Variants in ABCA13 observed in about 807,000 individuals in gnomAD.
The protein encoded by ABCA13 is ATP-binding cassette sub-family A member 13.
ABCA13 carries 476 observed loss-of-function variants against 478.7 expected under a neutral mutation model. The ratio of observed to expected loss-of-function variants is 0.99; its 90% CI spans 0.92 to 1.07. ABCA13 has a LOEUF of 1.07. ABCA13 is among the 50% of genes least tolerant of loss of function. ABCA13 has a pLI of 0.00. For synonymous variants in ABCA13, 2,252 were observed against 2,158.9 expected (o/e 1.04, Z -1.20); for missense variants, 6,060 against 5,910.6 (o/e 1.03, Z -0.83).
rs78680236 is a variant in ABCA13, at chr7:48,412,336, C to CTT, written c.12229-10_12229-9dup. On this transcript the variant is annotated splice_polypyrimidine_tract_variant and intron_variant, in intron 40 of 61. Coordinates refer to ENST00000435803, the MANE Select transcript of ABCA13 (RefSeq NM_152701.5). ...ACATTCCTTACTGGCTTCTTTTTTC[C>CTT]TTTTTTTTATGGATAGCCTTCTGTT... 72 of 1,574,882 alleles carry CTT rather than the reference C, an allele frequency of 4.6e-5. No homozygotes were observed. Among genetic ancestry groups the CTT allele is most frequent in the Middle Eastern group, 1.7e-4 (1 of 5,926 alleles).
chr7:48,190,275 A>G (rs894010062), intron 1 of ABCA13, among the ~76,000 whole-genome samples: 3 of 152,194 alleles, frequency 2.0e-5, no homozygotes, highest in Non-Finnish European at 4.4e-5. Context: ...TATGTAAAAA[A>G]AACCTCATGA....
chr7:48,233,276 G>A (rs1051356626), intron 7 of ABCA13, among the ~76,000 whole-genome samples: 1 of 152,136 alleles, frequency 6.6e-6, no homozygotes, highest in African/African-American at 2.4e-5. Flanking sequence ...CAGTCAATGG[G>A]TGTTGAATCA....
At position 48,279,688 on chromosome 7, in the gene ABCA13, T is replaced by A; in HGVS notation, c.8494T>A (p.Phe2832Ile). The part of the protein sequence containing the change: ...RIALWRKGLL[F>I]NNSEWITSTR... Reference sequence around the variant, plus strand: ...AGCTCTCTGGAGGAAAGGACTTCTGTTTAACAACTCTGAATGGATAACTTC... The same window carrying A: ...AGCTCTCTGGAGGAAAGGACTTCTGATTAACAACTCTGAATGGATAACTTC... Residue 2832 changes from phenylalanine (F) to isoleucine (I), a missense_variant, in exon 18 of 62, where the codon TTT (phenylalanine) becomes ATT (isoleucine). By Grantham distance (21) the Phe-to-Ile change is conservative. Transcript: ENST00000435803. The A allele has an allele frequency of 6.2e-7, 1 of 1,613,554 alleles. No homozygotes were observed. Among genetic ancestry groups the A allele is most frequent in the Non-Finnish European group, 8.5e-7 (1 of 1,179,750 alleles).
intron 42 of ABCA13, among the ~76,000 whole-genome samples, chr7:48,450,060 C>A (rs545849631): frequency 1.3e-5 from 2 of 152,294 alleles, no homozygotes; most frequent in African/African-American, 4.8e-5. Context: ...AAGAACTTCT[C>A]GAAACCCTTC....
chr7:48,634,275 G>T (rs1302101848), intron 59 of ABCA13, among the ~76,000 whole-genome samples: 1 of 152,170 alleles, frequency 6.6e-6, no homozygotes. Flanking sequence ...GCGTGTGTGT[G>T]ATGTCTTTGG....
At chr7:48,386,666 A>G (rs903237574) in intron 35 of ABCA13, among the ~76,000 whole-genome samples, 11 of 152,224 alleles carry the variant, frequency 7.2e-5, no homozygotes, top group Admixed American at 2.6e-4. Context: ...TGGTATGGGG[A>G]TAACTGGCTA....
chr7:48,261,387 A>G (rs572634187), intron 15 of ABCA13, among the ~76,000 whole-genome samples: 62 of 151,982 alleles, frequency 4.1e-4, no homozygotes, highest in African/African-American at 1.4e-3. Flanking sequence ...TTGTATGAAG[A>G]CTTAAGTTAG....
chr7:48,298,266 G>A, intron 22 of ABCA13, 100 bp from the exon 23 acceptor site: 2 of 1,132,784 alleles, frequency 1.8e-6, no homozygotes, highest in Non-Finnish European at 2.4e-6. Flanking sequence ...TGGTGTGAAA[G>A]AAACTATCCT....
chr7:48,387,769 G>A (rs983390341), intron 35 of ABCA13, 53 bp from the exon 36 acceptor site: 2 of 1,357,856 alleles, frequency 1.5e-6, no homozygotes, highest in Non-Finnish European at 2.0e-6. Flanking sequence ...TTCTAATACA[G>A]TACCTTCATC....
chr7:48,341,879 G>GATATATATATATATCTTTCTGATAT (rs1563084644), intron 29 of ABCA13, among the ~76,000 whole-genome samples: 1 of 31,336 alleles, frequency 3.2e-5, no homozygotes, highest in Non-Finnish European at 7.5e-5. Context: ...ATATCTTTCT[G>GATATATATATATATCTTTCTGATAT]ATATATATAT....
intron 55 of ABCA13, among the ~76,000 whole-genome samples, chr7:48,556,747 A>G (rs1585797601): frequency 6.6e-6 from 1 of 150,920 alleles, no homozygotes; most frequent in Non-Finnish European, 1.5e-5. Context: ...AGTCTTGTAC[A>G]TTTTTTTTCA....
At position 48,501,922 on chromosome 7, in the gene ABCA13, C is replaced by T. The variant is rs978643798; in HGVS notation, c.13292-4414C>T. ...CCAGACATGTGGGTTCTGCCTGTGT[C>T]AGGAGCAGGTTCTAAACTCCAGGAA... On this transcript the variant is annotated intron_variant, in intron 48 of 61. Coordinates refer to ENST00000435803, the MANE Select transcript of ABCA13 (RefSeq NM_152701.5). Among the ~76,000 whole-genome samples the T allele has an allele frequency of 2.6e-5, 4 of 152,142 alleles. No individual in the cohort carries two copies. The East Asian group carries it at 5.8e-4, about 22-fold the overall frequency.
chr7:48,412,137 C>A (rs1819347333), intron 40 of ABCA13, among the ~76,000 whole-genome samples: 1 of 151,952 alleles, frequency 6.6e-6, no homozygotes, highest in Admixed American at 6.6e-5. Context: ...GTGGGTGTGG[C>A]CTCACAAGGT....
chr7:48,595,582 G>A (rs755028608), intron 58 of ABCA13, among the ~76,000 whole-genome samples: 3 of 152,172 alleles, frequency 2.0e-5, no homozygotes, highest in Non-Finnish European at 4.4e-5. Flanking sequence ...TTCTGGGTCG[G>A]AGATGAAAGA....
intron 38 of ABCA13, among the ~76,000 whole-genome samples, chr7:48,401,162 C>T (rs1370730209): frequency 6.6e-6 from 1 of 152,138 alleles, no homozygotes; most frequent in Non-Finnish European, 1.5e-5. Flanking sequence ...AGAAGACCCT[C>T]ATTTGGAGGT....
chr7:48,467,884 A>C (rs1003441001), intron 44 of ABCA13, among the ~76,000 whole-genome samples: 4 of 152,192 alleles, frequency 2.6e-5, no homozygotes, highest in Non-Finnish European at 5.9e-5. Flanking sequence ...AGACTGAAAA[A>C]CTATTAATGT....
At chr7:48,440,598 A>C (rs967155809) in intron 42 of ABCA13, among the ~76,000 whole-genome samples, 7 of 152,224 alleles carry the variant, frequency 4.6e-5, no homozygotes, top group Admixed American at 1.3e-4. Flanking sequence ...AATATTAGTT[A>C]ACTTTTATAT....
rs1815424595 is a variant in ABCA13 at position 48,387,871 on chromosome 7, T to G, written c.11385T>G (p.Tyr3795Ter). 2 of 1,612,074 alleles carry G rather than the reference T, an allele frequency of 1.2e-6. No individual in the cohort carries two copies. Among genetic ancestry groups the G allele is most frequent in the African/African-American group, 2.7e-5 (2 of 74,826 alleles). ...GGTATTTCCCCTTTACTGCCTCATA[T>G]TGGAAGAGTGTGGGTTTCTTGGTGG... is the stretch of plus-strand genomic sequence containing the variant. ...KPWYFPFTAS[Y>*]WKSVGFLVEK... The change falls in exon 36 of 62, where the codon TAT becomes TAG. Residue 3795 changes from tyrosine (Y) to a stop codon, truncating the protein, a stop_gained. Transcript: ENST00000435803. LOFTEE classifies it high-confidence loss of function.
At chr7:48,506,576 G>C (rs1831229304) in intron 49 of ABCA13, among the ~76,000 whole-genome samples, 186 bp downstream of exon 49, 1 of 152,194 alleles carries the variant, frequency 6.6e-6, no homozygotes, top group African/African-American at 2.4e-5. Context: ...TATTAAGAGA[G>C]TCAGTACATT....
Sources: gnomAD v4.1 joint callset for allele counts (sites outside exome capture counted in the v4.1 genomes callset) on GRCh38, gnomAD v4.1.1 for gene constraint, MANE v1.5 for transcripts, NCBI Gene and HGNC (gene_info 2026-07-23, HGNC 2026-07-21) for gene names.